Variants in ELAPOR2 observed in about 807,000 individuals in gnomAD.
ELAPOR2 encodes endosome/lysosome-associated apoptosis and autophagy regulator family member 2.
Under a neutral mutation model 120.7 loss-of-function variants are expected in ELAPOR2, and 89 were observed. The observed-to-expected ratio is 0.74, with a 90% CI of 0.62 to 0.88. ELAPOR2 has a LOEUF of 0.88. Ranked by LOEUF, ELAPOR2 falls within the 40% of genes least tolerant of loss-of-function variation. ELAPOR2 has a pLI of 0.00. For synonymous variants in ELAPOR2, 444 were observed against 444.9 expected, an observed-to-expected ratio of 1.00 and a Z score of 0.03; for missense variants, 1,134 against 1,251.6, an observed-to-expected ratio of 0.91 and a Z score of 1.42.
intron 5 of ELAPOR2, chr7:86,941,483 A>T: frequency 2.2e-6 from 1 of 463,166 alleles, no homozygotes; most frequent in Non-Finnish European, 4.6e-6. Context: ...TTGAGGCTCC[A>T]AAGAGATATT....
chr7:87,022,379 C>G (rs1794076497), intron 1 of ELAPOR2, among the ~76,000 whole-genome samples: 1 of 151,874 alleles, frequency 6.6e-6, no homozygotes, highest in East Asian at 1.9e-4. Context: ...TGGTTTCCAG[C>G]TTCATCCATG....
chr7:86,934,601 C>T (rs1289884851), intron 8 of ELAPOR2, among the ~76,000 whole-genome samples: 1 of 151,984 alleles, frequency 6.6e-6, no homozygotes, highest in Non-Finnish European at 1.5e-5. Context: ...TCCTCAGGCA[C>T]CATCCCTGTT....
At chr7:87,040,195 G>C (rs1350677174) in intron 1 of ELAPOR2, among the ~76,000 whole-genome samples, 1 of 152,256 alleles carries the variant, frequency 6.6e-6, no homozygotes, top group African/African-American at 2.4e-5. Context: ...GGCTGGGGGA[G>C]AGGCGCCCGC....
At chr7:86,964,834 A>G in intron 2 of ELAPOR2, 70 bp downstream of exon 2, 6 of 1,490,532 alleles carry the variant, frequency 4.0e-6, no homozygotes, top group Non-Finnish European at 2.7e-6. Flanking sequence ...ATTATAATTA[A>G]CATCTAGGGC....
At chr7:87,050,032 G>A (rs568970886) in intron 1 of ELAPOR2, among the ~76,000 whole-genome samples, 30 of 152,102 alleles carry the variant, frequency 2.0e-4, no homozygotes, top group Admixed American at 4.6e-4. Flanking sequence ...ACCGTGGTAC[G>A]ACATAGCAAG....
At chr7:86,887,810 TGCCCATG>T (rs1218687337) in intron 21 of ELAPOR2, among the ~76,000 whole-genome samples, 1 of 152,096 alleles carries the variant, frequency 6.6e-6, no homozygotes, top group Non-Finnish European at 1.5e-5. Flanking sequence ...CAAATATGGC[TGCCCATG>T]GAAAGGGATC....
chr7:86,948,034 G>A (rs1315977695), intron 2 of ELAPOR2, 112 bp from the exon 3 acceptor site: 6 of 721,434 alleles, frequency 8.3e-6, no homozygotes, highest in African/African-American at 7.2e-5. Context: ...ACACTCAAAC[G>A]AAAGCCTTTC....
chr7:86,894,899 T>C (rs966668450), intron 19 of ELAPOR2, among the ~76,000 whole-genome samples: 10 of 152,106 alleles, frequency 6.6e-5, no homozygotes, highest in Non-Finnish European at 1.5e-5. Flanking sequence ...GAACCCAGTA[T>C]AGATTTTGGA....
At chr7:87,011,264 A>AAAG (rs762778981) in intron 1 of ELAPOR2, among the ~76,000 whole-genome samples, 9,681 of 133,700 alleles carry the variant, frequency 0.072, 439 homozygotes, top group Admixed American at 0.11. Context: ...AAAAAAAAAA[A>AAAG]AAAAGAAAAG....
chr7:86,996,786 C>G (rs1634999), intron 1 of ELAPOR2, among the ~76,000 whole-genome samples: 57,255 of 151,762 alleles, frequency 0.38, 11,607 homozygotes, highest in African/African-American at 0.53. Context: ...TAGGAAACCC[C>G]TTACGCCATG....
chr7:86,910,236 A>T (rs989124216), intron 15 of ELAPOR2, among the ~76,000 whole-genome samples: 1 of 152,132 alleles, frequency 6.6e-6, no homozygotes, highest in African/African-American at 2.4e-5. Flanking sequence ...CAGTAATTCA[A>T]GACTATACTG....
intron 2 of ELAPOR2, among the ~76,000 whole-genome samples, chr7:86,951,724 G>C (rs964515413): frequency 2.0e-5 from 3 of 152,076 alleles, no homozygotes; most frequent in African/African-American, 7.2e-5. Context: ...TAGGTTCCTG[G>C]GAACCTTTGG....
intron 1 of ELAPOR2, 72 bp from the exon 2 acceptor site, chr7:86,965,096 C>A: frequency 1.3e-6 from 2 of 1,495,688 alleles, no homozygotes; most frequent in African/African-American, 2.8e-5. Flanking sequence ...TCTCTATCAC[C>A]CCAAGCCCCT....
chr7:87,022,410 T>G (rs1794078405), intron 1 of ELAPOR2, among the ~76,000 whole-genome samples: 1 of 152,102 alleles, frequency 6.6e-6, no homozygotes, highest in Admixed American at 6.6e-5. Flanking sequence ...GGACATGAAC[T>G]CATCATTTTT....
At chr7:87,026,613 A>C (rs1300389706) in intron 1 of ELAPOR2, among the ~76,000 whole-genome samples, 1 of 151,960 alleles carries the variant, frequency 6.6e-6, no homozygotes, top group African/African-American at 2.4e-5. Flanking sequence ...TTCTTTTTAG[A>C]TCTTGTATTC....
intron 1 of ELAPOR2, among the ~76,000 whole-genome samples, chr7:87,049,265 G>T (rs1425724882): frequency 6.9e-6 from 1 of 145,090 alleles, no homozygotes; most frequent in African/African-American, 2.6e-5. Context: ...GAGAGGAAGG[G>T]ATTGAAATTT....
intron 1 of ELAPOR2, among the ~76,000 whole-genome samples, chr7:87,047,513 G>T (rs934952282): frequency 1.3e-4 from 20 of 152,162 alleles, no homozygotes; most frequent in African/African-American, 4.6e-4. Context: ...CAAAAAATGG[G>T]CAAAGGATTT....
intron 1 of ELAPOR2, among the ~76,000 whole-genome samples, chr7:87,023,539 G>A (rs1051466290): frequency 1.3e-5 from 2 of 152,088 alleles, no homozygotes; most frequent in Non-Finnish European, 2.9e-5. Flanking sequence ...AATTGACTTG[G>A]CAATGCGGGC....
chr7:87,019,176 AT>A (rs1375267703), intron 1 of ELAPOR2, among the ~76,000 whole-genome samples: 3 of 151,502 alleles, frequency 2.0e-5, no homozygotes, highest in African/African-American at 7.3e-5. Flanking sequence ...TTGTTTATTT[AT>A]TTTTGAGACA....
Sources: gnomAD v4.1 joint callset for allele counts (sites outside exome capture counted in the v4.1 genomes callset) on GRCh38, gnomAD v4.1.1 for gene constraint, MANE v1.5 for transcripts, NCBI Gene and HGNC (gene_info 2026-07-23, HGNC 2026-07-21) for gene names.